The following DLG2 variants were observed in gnomAD, a reference collection of about 807,000 sequenced individuals.
DLG2 encodes the protein disks large homolog 2.
A neutral mutation model predicts 132.5 loss-of-function variants in DLG2; 45 were observed. That is an observed-to-expected ratio of 0.34 (90% CI 0.27 to 0.44). DLG2 has a LOEUF of 0.44. Ranked by LOEUF, DLG2 falls within the 20% of genes least tolerant of loss-of-function variation. The probability of loss-of-function intolerance (pLI) is 1.00; values close to 1 mark genes in which losing one functional copy is unlikely to be tolerated. For synonymous variants in DLG2, 424 were observed against 419.6 expected, an observed-to-expected ratio of 1.01 and a Z score of -0.13; for missense variants, 1,045 against 1,196.9, an observed-to-expected ratio of 0.87 and a Z score of 1.87.
chr11:85,323,940 C>T (rs560822094), intron 3 of DLG2, among the ~76,000 whole-genome samples: 28 of 152,282 alleles, frequency 1.8e-4, no homozygotes, highest in Non-Finnish European at 1.2e-4. Flanking sequence ...GGTGGCTCAG[C>T]CCTCCTGTCA....
intron 3 of DLG2, among the ~76,000 whole-genome samples, chr11:85,486,404 C>T (rs987121882): frequency 6.6e-6 from 1 of 152,234 alleles, no homozygotes; most frequent in African/African-American, 2.4e-5. Flanking sequence ...CACTGGAAAT[C>T]ACCCTGCCTC....
At chr11:85,622,339 T>C (rs754399307) in intron 2 of DLG2, among the ~76,000 whole-genome samples, 2 of 152,156 alleles carry the variant, frequency 1.3e-5, no homozygotes, top group Non-Finnish European at 2.9e-5. Context: ...GCTTGCTTCA[T>C]TGTGATAATA....
intron 3 of DLG2, among the ~76,000 whole-genome samples, chr11:85,389,470 C>T (rs1828316): frequency 1.3e-5 from 2 of 152,074 alleles, no homozygotes; most frequent in Non-Finnish European, 2.9e-5. Flanking sequence ...CCTGGTCATG[C>T]TAGAGATCTA....
chr11:84,710,976 C>G (rs1043870242), intron 6 of DLG2, among the ~76,000 whole-genome samples: 2 of 142,254 alleles, frequency 1.4e-5, no homozygotes, highest in African/African-American at 2.6e-5. Context: ...ATAATGTGTT[C>G]ATAAGTCTGA....
At position 83,610,209 on chromosome 11, in the gene DLG2, C is replaced by T. The variant is rs147274951; in HGVS notation, c.1940+23002G>A. ...ACCGAGCGTGAGAGTCAGTGGATGTCGGACAGGAAGGGATCCCAGAGTTTA... is the reference window on the plus strand; with the variant it reads ...ACCGAGCGTGAGAGTCAGTGGATGTTGGACAGGAAGGGATCCCAGAGTTTA... On this transcript the variant is annotated intron_variant, in intron 19 of 27. Coordinates refer to ENST00000376104, the MANE Select transcript of DLG2 (RefSeq NM_001142699.3). Among the ~76,000 whole-genome samples, 25 of 152,200 alleles carry T rather than the reference C, an allele frequency of 1.6e-4. No individual in the cohort carries two copies. The East Asian group carries it at 2.1e-3, about 13-fold the overall frequency.
chr11:85,507,177 T>C (rs915004925), intron 3 of DLG2, among the ~76,000 whole-genome samples: 6 of 152,232 alleles, frequency 3.9e-5, no homozygotes, highest in African/African-American at 1.4e-4. Context: ...TTGCCAGTCT[T>C]TGTCTTTTAA....
At chr11:84,736,360 G>A (rs1426573450) in intron 6 of DLG2, among the ~76,000 whole-genome samples, 2 of 150,920 alleles carry the variant, frequency 1.3e-5, no homozygotes, top group Non-Finnish European at 3.0e-5. Flanking sequence ...GACTCTCCTA[G>A]GTACTTTAAA....
intron 8 of DLG2, among the ~76,000 whole-genome samples, chr11:84,236,084 T>G (rs1183217976): frequency 1.3e-5 from 2 of 149,392 alleles, no homozygotes; most frequent in Admixed American, 1.3e-4. Context: ...CTCAGAGAGC[T>G]TAAGTAATTT....
At chr11:84,303,235 T>C (rs1032479932) in intron 7 of DLG2, among the ~76,000 whole-genome samples, 1 of 152,220 alleles carries the variant, frequency 6.6e-6, no homozygotes, top group Non-Finnish European at 1.5e-5. Context: ...AAAATCAGTG[T>C]GTAAACATAA....
At chr11:83,512,448 T>A (rs931675806) in intron 21 of DLG2, among the ~76,000 whole-genome samples, 2 of 152,246 alleles carry the variant, frequency 1.3e-5, no homozygotes, top group African/African-American at 4.8e-5. Context: ...AGAAATCACA[T>A]GTGCAGTTCA....
At chr11:84,226,049 G>C (rs1490521874) in intron 8 of DLG2, among the ~76,000 whole-genome samples, 1 of 152,180 alleles carries the variant, frequency 6.6e-6, no homozygotes, top group Non-Finnish European at 1.5e-5. Flanking sequence ...GACCTCAAGT[G>C]ATCCGCCTGC....
chr11:85,497,616 C>T (rs181811669), intron 3 of DLG2, among the ~76,000 whole-genome samples: 1 of 152,066 alleles, frequency 6.6e-6, no homozygotes, highest in Non-Finnish European at 1.5e-5. Flanking sequence ...AACACCAAGA[C>T]ACAAAATTGT....
intron 5 of DLG2, 24 bp downstream of exon 5, chr11:85,154,532 A>G: frequency 8.5e-7 from 1 of 1,182,560 alleles, no homozygotes; most frequent in Non-Finnish European, 1.2e-6. Context: ...GCCTAGTAAG[A>G]AAAGAAAACA....
chr11:84,462,664 T>C (rs1291417299), intron 7 of DLG2, among the ~76,000 whole-genome samples: 1 of 151,022 alleles, frequency 6.6e-6, no homozygotes, highest in African/African-American at 2.4e-5. Flanking sequence ...GAAAAGACAA[T>C]AGGAGTGGCT....
intron 6 of DLG2, among the ~76,000 whole-genome samples, chr11:85,071,651 A>G (rs1417810267): frequency 6.6e-6 from 1 of 151,754 alleles, no homozygotes; most frequent in East Asian, 1.9e-4. Flanking sequence ...AAAAGAATTT[A>G]TATGTTTCCA....
intron 3 of DLG2, among the ~76,000 whole-genome samples, chr11:85,435,150 T>C (rs1313049630): frequency 6.6e-6 from 1 of 152,206 alleles, no homozygotes; most frequent in Non-Finnish European, 1.5e-5. Flanking sequence ...AAACTAGGTA[T>C]TAACGGAACA....
intron 2 of DLG2, among the ~76,000 whole-genome samples, chr11:85,604,331 G>A (rs1338829327): frequency 6.6e-6 from 1 of 152,174 alleles, no homozygotes; most frequent in Non-Finnish European, 1.5e-5. Flanking sequence ...ATTCTATTAT[G>A]CTCTTCAACT....
At chr11:85,009,319 A>G (rs1037000783) in intron 6 of DLG2, among the ~76,000 whole-genome samples, 11 of 152,152 alleles carry the variant, frequency 7.2e-5, no homozygotes, top group African/African-American at 2.4e-5. Flanking sequence ...TTCCAGTGAA[A>G]TATCAAATCA....
chr11:83,723,692 CA>C (rs1180476157), intron 18 of DLG2, among the ~76,000 whole-genome samples: 6 of 151,860 alleles, frequency 4.0e-5, no homozygotes, highest in Non-Finnish European at 7.4e-5. Context: ...CTGTCTCTAC[CA>C]AAAAATACAA....
Sources: allele counts gnomAD v4.1 joint callset (sites outside exome capture counted in the v4.1 genomes callset), GRCh38; gene constraint gnomAD v4.1.1; transcripts MANE v1.5; gene names NCBI Gene and HGNC (gene_info 2026-07-23, HGNC 2026-07-21).